The following GPHN variants were observed in gnomAD, a reference collection of about 807,000 sequenced individuals.
GPHN encodes gephyrin.
GPHN carries 17 observed loss-of-function variants against 95.5 expected under a neutral mutation model. The ratio of observed to expected loss-of-function variants is 0.18; its 90% confidence interval spans 0.12 to 0.27. GPHN has a LOEUF of 0.27. Among genes scored for constraint, GPHN ranks in the 10% least tolerant of loss-of-function variants. GPHN has a pLI of 1.00. For missense variants in GPHN, 660 were observed against 978.1 expected (o/e 0.67, Z 4.34); for synonymous variants, 320 against 322.5 (o/e 0.99, Z 0.08).
intron 1 of GPHN, among the ~76,000 whole-genome samples, chr14:66,660,644 G>A (rs1413720130): frequency 1.3e-5 from 2 of 152,118 alleles, no homozygotes; most frequent in Non-Finnish European, 2.9e-5. Context: ...GGGGCGCCAA[G>A]ATGGCCAACT....
At chr14:66,819,425 C>G (rs1006841046) in intron 3 of GPHN, among the ~76,000 whole-genome samples, 4 of 151,960 alleles carry the variant, frequency 2.6e-5, no homozygotes, top group African/African-American at 9.7e-5. Flanking sequence ...TGTTCTGTCC[C>G]CATTGCTTGT....
the GPHN span, chr14:67,651,622 A>C: frequency 1.4e-5 from 12 of 885,938 alleles, no homozygotes; most frequent in East Asian, 5.7e-5. Context: ...GGAAGTACTC[A>C]TAAGGTTCTT....
chr14:66,583,275 C>G (rs921238072), intron 1 of GPHN, among the ~76,000 whole-genome samples: 2 of 152,078 alleles, frequency 1.3e-5, no homozygotes, highest in East Asian at 3.8e-4. Context: ...ATTGAAGATT[C>G]TGGATATTAA....
intron 1 of GPHN, among the ~76,000 whole-genome samples, chr14:66,520,973 ATTAG>A (rs2094269275): frequency 6.6e-6 from 1 of 151,974 alleles, no homozygotes; most frequent in Admixed American, 6.6e-5. Flanking sequence ...CTGTTCCTAC[ATTAG>A]TTTGCTGAGG....
intron 17 of GPHN, among the ~76,000 whole-genome samples, chr14:67,125,249 C>G (rs758556246): frequency 6.6e-6 from 1 of 152,024 alleles, no homozygotes; most frequent in Non-Finnish European, 1.5e-5. Flanking sequence ...TATAATTGTT[C>G]TAATGGAAAT....
At chr14:66,888,791 T>C (rs2064326799) in intron 5 of GPHN, among the ~76,000 whole-genome samples, 1 of 152,080 alleles carries the variant, frequency 6.6e-6, no homozygotes, top group Non-Finnish European at 1.5e-5. Flanking sequence ...CAGAGATTAA[T>C]GGACTGGATA....
chr14:66,510,362 G>A (rs2057994526), intron 1 of GPHN, among the ~76,000 whole-genome samples: 1 of 152,146 alleles, frequency 6.6e-6, no homozygotes, highest in South Asian at 2.1e-4. Flanking sequence ...TTTTTAAAAT[G>A]AACATTTTCT....
the GPHN span, chr14:67,691,136 T>C: frequency 6.2e-7 from 1 of 1,606,362 alleles, no homozygotes; most frequent in Non-Finnish European, 8.5e-7. Context: ...GCCAGATTTC[T>C]TACCCAAGTG....
chr14:67,640,164 C>G, the GPHN span, among the ~76,000 whole-genome samples: 7 of 151,888 alleles, frequency 4.6e-5, no homozygotes, highest in Non-Finnish European at 7.4e-5. Flanking sequence ...ACATTTTTAT[C>G]TTGGTTCACA....
chr14:67,278,502 C>T, the GPHN span, among the ~76,000 whole-genome samples: 1 of 152,082 alleles, frequency 6.6e-6, no homozygotes, highest in Non-Finnish European at 1.5e-5. Flanking sequence ...GAATTATCCC[C>T]CAGAATACTG....
At chr14:67,646,943 A>T in the GPHN span, 1 of 1,607,384 alleles carries the variant, frequency 6.2e-7, no homozygotes, top group Non-Finnish European at 8.5e-7. Flanking sequence ...GAACTATGAT[A>T]TCCAGTATTT....
intron 2 of GPHN, among the ~76,000 whole-genome samples, chr14:66,757,228 G>A (rs568429014): frequency 6.6e-6 from 1 of 151,934 alleles, no homozygotes; most frequent in Non-Finnish European, 1.5e-5. Context: ...AGAACTAGAA[G>A]TATTTATTAC....
intron 16 of GPHN, 117 bp downstream of exon 16, chr14:67,113,288 C>A: frequency 1.0e-6 from 1 of 955,608 alleles, no homozygotes; most frequent in Non-Finnish European, 1.7e-6. Context: ...CCAGTGGATC[C>A]ACATTCTTAT....
the GPHN span, chr14:67,395,430 A>G: frequency 6.2e-7 from 1 of 1,613,976 alleles, no homozygotes. Flanking sequence ...GGCAGCTTGA[A>G]GGAGTTTCTC....
At chr14:67,338,585 G>C in the GPHN span, 1 of 1,602,244 alleles carries the variant, frequency 6.2e-7, no homozygotes, top group Admixed American at 1.7e-5. Context: ...AATGAAGCCA[G>C]TGTTAGGGTT....
At chr14:66,633,963 TTAA>T (rs2063963455) in intron 1 of GPHN, among the ~76,000 whole-genome samples, 1 of 151,782 alleles carries the variant, frequency 6.6e-6, no homozygotes, top group African/African-American at 2.4e-5. Flanking sequence ...TTTTTTTTTT[TTAA>T]TAATATCTAT....
chr14:67,351,698 T>C, the GPHN span, among the ~76,000 whole-genome samples: 6 of 151,912 alleles, frequency 3.9e-5, no homozygotes, highest in East Asian at 3.9e-4. Context: ...TCTTCTTCTT[T>C]TTTGTAGAGA....
At chr14:67,133,320 C>T (rs2079843512) in intron 17 of GPHN, among the ~76,000 whole-genome samples, 1 of 152,116 alleles carries the variant, frequency 6.6e-6, no homozygotes, top group South Asian at 2.1e-4. Flanking sequence ...GTTGGTGTAA[C>T]AGATGAAACA....
chr14:67,106,700 ATGAAT>A (rs1324879982), intron 13 of GPHN, among the ~76,000 whole-genome samples: 2 of 151,958 alleles, frequency 1.3e-5, no homozygotes, highest in Non-Finnish European at 2.9e-5. Flanking sequence ...TATCATTCTT[ATGAAT>A]TGTTTTGCTG....
Sources: allele counts gnomAD v4.1 joint callset (sites outside exome capture counted in the v4.1 genomes callset), GRCh38; gene constraint gnomAD v4.1.1; transcripts MANE v1.5; gene names NCBI Gene and HGNC (gene_info 2026-07-23, HGNC 2026-07-21).